Variants in CDH13 observed in about 807,000 individuals in gnomAD.
The protein encoded by CDH13 is cadherin 13, also known as cadherin-13.
Under a neutral mutation model 63.8 loss-of-function variants are expected in CDH13, and 24 were observed. That is an observed-to-expected ratio of 0.38 (90% CI 0.27 to 0.53). The LOEUF (loss-of-function observed/expected upper bound fraction) is 0.53, where lower values mean the gene tolerates loss of function less well. Among genes scored for constraint, CDH13 ranks in the 20% least tolerant of loss-of-function variants. The pLI, the probability that CDH13 is intolerant of heterozygous loss-of-function variation, is 0.85. For missense variants in CDH13, 1,049 were observed against 903.1 expected (o/e 1.16, Z -2.07); for synonymous variants, 503 against 355.3 (o/e 1.42, Z -4.67).
chr16:82,787,126 T>C (rs558522779), intron 1 of CDH13, among the ~76,000 whole-genome samples: 14 of 152,324 alleles, frequency 9.2e-5, no homozygotes, highest in African/African-American at 3.4e-4. Context: ...CATGGTCTTA[T>C]TATGTAAGAC....
At chr16:83,500,738 C>T (rs192151146) in intron 7 of CDH13, among the ~76,000 whole-genome samples, 2 of 150,154 alleles carry the variant, frequency 1.3e-5, no homozygotes, top group Non-Finnish European at 3.0e-5. Flanking sequence ...CCATCTTGCC[C>T]GGCTAATTTT....
chr16:83,032,813 T>A (rs1302774681), intron 3 of CDH13, among the ~76,000 whole-genome samples: 1 of 152,146 alleles, frequency 6.6e-6, no homozygotes, highest in Admixed American at 6.5e-5. Flanking sequence ...ACTCATGGAC[T>A]GAGAGTGAAA....
At chr16:83,617,018 G>A (rs1464407733) in intron 8 of CDH13, among the ~76,000 whole-genome samples, 1 of 152,008 alleles carries the variant, frequency 6.6e-6, no homozygotes, top group Non-Finnish European at 1.5e-5. Flanking sequence ...AATCCCCCAG[G>A]CACTTTGTTA....
intron 10 of CDH13, among the ~76,000 whole-genome samples, chr16:83,712,790 A>G (rs1467077632): frequency 6.6e-6 from 1 of 152,244 alleles, no homozygotes; most frequent in African/African-American, 2.4e-5. Context: ...ACACAACATC[A>G]TATCTGCCAT....
At chr16:83,528,832 C>G (rs1343624937) in intron 7 of CDH13, among the ~76,000 whole-genome samples, 3 of 152,162 alleles carry the variant, frequency 2.0e-5, no homozygotes, top group African/African-American at 7.2e-5. Flanking sequence ...ACTGTTCAAT[C>G]CCAGTCTCCC....
At chr16:82,878,680 C>T (rs1006926648) in intron 2 of CDH13, among the ~76,000 whole-genome samples, 3 of 150,738 alleles carry the variant, frequency 2.0e-5, no homozygotes, top group Non-Finnish European at 2.9e-5. Flanking sequence ...GGTCCAATGG[C>T]GGGGGTTGGG....
At chr16:82,909,250 A>ATG (rs945671440) in intron 2 of CDH13, among the ~76,000 whole-genome samples, 2 of 96,244 alleles carry the variant, frequency 2.1e-5, no homozygotes, top group Non-Finnish European at 4.1e-5. Flanking sequence ...GACTGACTGT[A>ATG]TATGTGTGTG....
At chr16:83,503,358 C>G (rs577587481) in intron 7 of CDH13, among the ~76,000 whole-genome samples, 2 of 152,254 alleles carry the variant, frequency 1.3e-5, no homozygotes, top group African/African-American at 4.8e-5. Context: ...ATACTTTTAC[C>G]TAAATTAGAG....
intron 1 of CDH13, among the ~76,000 whole-genome samples, chr16:82,756,061 T>C (rs1208406279): frequency 6.6e-6 from 1 of 152,206 alleles, no homozygotes; most frequent in Non-Finnish European, 1.5e-5. Context: ...TTTTCAAGTT[T>C]ATGCATCCAC....
intron 6 of CDH13, among the ~76,000 whole-genome samples, chr16:83,353,704 T>C (rs1012894421): frequency 6.6e-6 from 1 of 152,242 alleles, no homozygotes; most frequent in South Asian, 2.1e-4. Context: ...TCTCTAACCA[T>C]GAAGTCTTAT....
intron 1 of CDH13, among the ~76,000 whole-genome samples, chr16:82,816,237 C>T (rs1052719091): frequency 6.6e-6 from 1 of 152,132 alleles, no homozygotes; most frequent in African/African-American, 2.4e-5. Flanking sequence ...GTTCTTCCCA[C>T]TATCTTATTA....
intron 2 of CDH13, among the ~76,000 whole-genome samples, chr16:83,027,342 G>C (rs1006082102): frequency 9.9e-5 from 15 of 152,188 alleles, no homozygotes; most frequent in African/African-American, 3.4e-4. Flanking sequence ...AAGGTTCTAT[G>C]GGAAGGAAAT....
At chr16:83,447,660 T>C (rs2072751617) in intron 6 of CDH13, among the ~76,000 whole-genome samples, 1 of 151,916 alleles carries the variant, frequency 6.6e-6, no homozygotes, top group East Asian at 1.9e-4. Flanking sequence ...AAACCAAGTG[T>C]GAGAGTATCA....
intron 4 of CDH13, among the ~76,000 whole-genome samples, chr16:83,204,973 G>A (rs56121462): frequency 6.6e-6 from 1 of 152,194 alleles, no homozygotes; most frequent in Admixed American, 6.5e-5. Context: ...GCTAACGCAA[G>A]TCCCATGGCC....
chr16:82,821,017 G>T (rs2037980218), intron 1 of CDH13, among the ~76,000 whole-genome samples: 1 of 152,138 alleles, frequency 6.6e-6, no homozygotes, highest in Non-Finnish European at 1.5e-5. Flanking sequence ...GAGGCCATCA[G>T]TTACAGCGGA....
intron 6 of CDH13, among the ~76,000 whole-genome samples, chr16:83,398,404 C>A (rs1317360359): frequency 1.3e-5 from 2 of 152,142 alleles, no homozygotes; most frequent in African/African-American, 4.8e-5. Flanking sequence ...GCCTCCTCCT[C>A]TTCTCTTTCT....
chr16:82,685,510 C>G (rs1277706222), intron 1 of CDH13, among the ~76,000 whole-genome samples: 2 of 152,122 alleles, frequency 1.3e-5, no homozygotes, highest in Non-Finnish European at 2.9e-5. Context: ...TAGCCTGTAG[C>G]AAAGATAATG....
At chr16:82,814,084 T>A (rs2037584063) in intron 1 of CDH13, among the ~76,000 whole-genome samples, 1 of 152,136 alleles carries the variant, frequency 6.6e-6, no homozygotes, top group South Asian at 2.1e-4. Context: ...AGAGTGGATA[T>A]ACCAAAGTGC....
chr16:83,049,563 C>T (rs1407836289), intron 3 of CDH13, among the ~76,000 whole-genome samples: 3 of 152,028 alleles, frequency 2.0e-5, no homozygotes, highest in Non-Finnish European at 4.4e-5. Context: ...TGTCAATCTC[C>T]TGACCTCGTG....
Sources: gnomAD v4.1 joint callset for allele counts (sites outside exome capture counted in the v4.1 genomes callset) on GRCh38, gnomAD v4.1.1 for gene constraint, MANE v1.5 for transcripts, NCBI Gene and HGNC (gene_info 2026-07-23, HGNC 2026-07-21) for gene names.